Variants in PTCH1 observed in about 807,000 individuals in gnomAD.
PTCH1 encodes protein patched homolog 1.
Under a neutral mutation model 144.6 loss-of-function variants are expected in PTCH1, and 14 were observed. That is an observed-to-expected ratio of 0.10 (90% CI 0.06 to 0.15). PTCH1 has a LOEUF of 0.15. PTCH1 is among the 10% of genes least tolerant of loss of function. The pLI, the probability that PTCH1 is intolerant of heterozygous loss-of-function variation, is 1.00. For missense variants in PTCH1, 1,623 were observed against 1,948.3 expected (o/e 0.83, Z 3.14); for synonymous variants, 833 against 793.6 (o/e 1.05, Z -0.83).
chr9:95,478,302 A>T (rs903472413), intron 8 of PTCH1, 116 bp from the exon 9 acceptor site: 61 of 1,492,664 alleles, frequency 4.1e-5, no homozygotes, highest in Non-Finnish European at 5.0e-5. Context: ...TGCATTTTTT[A>T]AAAAAGTTCT....
chr9:95,482,486 C>T (rs1841627214), intron 3 of PTCH1: 1 of 475,590 alleles, frequency 2.1e-6, no homozygotes, highest in East Asian at 4.0e-5. Flanking sequence ...CTTGTTTACA[C>T]CATTAATCTG....
chr9:95,507,683 C>T (rs1355919280), intron 1 of PTCH1: 1 of 183,026 alleles, frequency 5.5e-6, no homozygotes, highest in Non-Finnish European at 1.0e-5. Context: ...TCCCTCCCCC[C>T]TTCCTCTCTC....
chr9:95,482,010 T>A lies in PTCH1; in HGVS notation c.685A>T (p.Ile229Phe). 6.2e-7 allele frequency: 1 copy of A among 1,613,956 alleles called. No individual in the cohort carries two copies. Among genetic ancestry groups the A allele is most frequent in the Non-Finnish European group, 8.5e-7 (1 of 1,179,860 alleles). The change falls in exon 5 of 24, where the codon ATT (isoleucine) becomes TTT (phenylalanine). Residue 229 changes from isoleucine (I) to phenylalanine (F), a missense_variant. Coordinates refer to ENST00000331920, the MANE Select transcript of PTCH1 (RefSeq NM_000264.5). The stretch of plus-strand genomic sequence containing the variant: ...TCCCAGAAGCAGTCCAAAGGTGTAA[T>A]AATCAAACAAGGGTAAAGATATTCT... ...IIEYLYPCLI[I>F]TPLDCFWEGA...
chr9:95,480,221 G>C (rs1841421582), intron 6 of PTCH1, 131 bp from the exon 7 acceptor site: 12 of 1,536,962 alleles, frequency 7.8e-6, no homozygotes, highest in Non-Finnish European at 1.1e-5. Flanking sequence ...GGAGGTGTAT[G>C]GCAAATCTTA....
chr9:95,462,970 G>A (rs915622822), intron 15 of PTCH1, among the ~76,000 whole-genome samples: 5 of 152,062 alleles, frequency 3.3e-5, no homozygotes, highest in East Asian at 1.9e-4. Flanking sequence ...TGGCTGGTGC[G>A]CACGCTCTCC....
chr9:95,505,169 CACAA>C (rs535806234), intron 2 of PTCH1, among the ~76,000 whole-genome samples: 89 of 152,216 alleles, frequency 5.8e-4, no homozygotes, highest in Admixed American at 2.4e-3. Flanking sequence ...GCTGAATCTT[CACAA>C]ACAAGGAGAG....
chr9:95,508,348 C>A lies in PTCH1; in HGVS notation c.14G>T (p.Gly5Val). MASA[G>V]NAAEPQDRGG... is the part of the protein sequence containing the mutation. ...GCGGTCCTGGGGCTCGGCGGCGTTA[C>A]CAGCCGAGGCCATGTTGCCGCCGCC... The change falls in exon 1 of 24, where the codon GGT becomes GTT. Residue 5 changes from glycine (G) to valine (V), a missense_variant. Physicochemically the swap from Gly to Val is moderately radical, Grantham distance 109. Around this residue, in one of 7 missense-constraint regions of PTCH1, gnomAD observed 245 missense variants for 240.6 expected, o/e 1.02. Transcript: ENST00000331920. 1.7e-6 allele frequency: 2 copies of A among 1,211,764 alleles called. No homozygotes were observed. Among genetic ancestry groups the A allele is most frequent in the Non-Finnish European group, 2.1e-6 (2 of 975,308 alleles). The allele number at this position is 1,211,764 out of a possible 1,614,324, so 75.1% of individuals were successfully genotyped here. A position where few individuals can be genotyped will look rare whatever the true frequency, so the allele number is the denominator to read the frequency against.
chr9:95,457,055 A>C (rs182852498), intron 18 of PTCH1, among the ~76,000 whole-genome samples: 1 of 152,318 alleles, frequency 6.6e-6, no homozygotes, highest in Admixed American at 6.5e-5. Context: ...GGGTGGACTG[A>C]GCCAACTGTT....
chr9:95,506,185 A>C, intron 2 of PTCH1: 13 of 371,908 alleles, frequency 3.5e-5, no homozygotes, highest in East Asian at 6.2e-5. Context: ...GCTCTCTCCC[A>C]CCACACCTCG....
chr9:95,503,550 A>G (rs947569170), intron 2 of PTCH1, among the ~76,000 whole-genome samples: 2 of 152,108 alleles, frequency 1.3e-5, no homozygotes, highest in Non-Finnish European at 2.9e-5. Flanking sequence ...AATCTAGCAC[A>G]GAATGAATGA....
chr9:95,507,913 C>G, intron 1 of PTCH1: 1 of 1,377,502 alleles, frequency 7.3e-7, no homozygotes, highest in South Asian at 1.4e-5. Flanking sequence ...TATACACACA[C>G]ACACACGCAC....
At position 95,449,548 on chromosome 9, in the gene PTCH1, A is replaced by G; in HGVS notation, c.3550-225T>C. 1 of 662,746 alleles carries G rather than the reference A, an allele frequency of 1.5e-6. No homozygotes were observed. Among genetic ancestry groups the G allele is most frequent in the Non-Finnish European group, 2.6e-6 (1 of 389,392 alleles). The allele number at this position is 662,746 out of a possible 1,614,324, so 41.1% of individuals were successfully genotyped here. ...TCCACACTGGAAAGGCAGGATGTGTACTTTTTACTCTTGTGAAGTCCAATT... is the reference window on the plus strand; with the variant it reads ...TCCACACTGGAAAGGCAGGATGTGTGCTTTTTACTCTTGTGAAGTCCAATT... On this transcript the variant is annotated intron_variant, in intron 21 of 23. Transcript: ENST00000331920. The surrounding 1 kb of genome is among the most constrained non-coding windows in gnomAD (Gnocchi z 5.3).
rs1239974947 is a variant in PTCH1 at position 95,477,580 on chromosome 9, C to G, written c.1470G>C (p.Leu490Phe). The part of the protein sequence containing the change: ...SVAAGLGLCS[L>F]IGISFNAATT... ...TTGCAGCGTTAAAGGAAATTCCGAT[C>G]AATGAGCACAGGCCCAGTCCTGCAG... Residue 490 changes from leucine (L) to phenylalanine (F), a missense_variant, in exon 10 of 24, where the codon TTG becomes TTC. By Grantham distance (22) the Leu-to-Phe change is conservative. Coordinates refer to ENST00000331920, the MANE Select transcript of PTCH1 (RefSeq NM_000264.5). 1 of 1,614,170 alleles carries G rather than the reference C, an allele frequency of 6.2e-7. No homozygotes were observed. The highest frequency in any genetic ancestry group is 1.7e-5 in the Admixed American group (1 of 60,024).
chr9:95,482,863 G>A (rs927127431), intron 3 of PTCH1: 2 of 153,552 alleles, frequency 1.3e-5, no homozygotes, highest in African/African-American at 4.8e-5. Flanking sequence ...CGTGAAGCCA[G>A]GAGTTTGAAA....
intron 2 of PTCH1, among the ~76,000 whole-genome samples, chr9:95,488,087 C>T (rs1842105946): frequency 6.6e-6 from 1 of 152,208 alleles, no homozygotes; most frequent in Admixed American, 6.5e-5. Flanking sequence ...TTTTACCAGA[C>T]TCTTCCAGAC....
intron 14 of PTCH1, among the ~76,000 whole-genome samples, chr9:95,468,500 A>G (rs1440246419): frequency 1.3e-5 from 2 of 152,336 alleles, no homozygotes; most frequent in East Asian, 1.9e-4. Context: ...AAGTGGCAAT[A>G]ATCACATTTT....
Position 95,446,682 on chromosome 9 carries a change from C to T in PTCH1, c.*1+229G>A, listed in dbSNP as rs111532669. The T allele has an allele frequency of 0.02, 12,306 of 623,676 alleles. 173 individuals are homozygous for T. Among genetic ancestry groups the T allele is most frequent in the Non-Finnish European group, 0.026 (8,996 of 352,012 alleles). 38.6% of individuals were successfully genotyped at this position (623,676 alleles called of 1,614,324 possible). ...TCCTTGTGGCGCTGCACCGACCCTC[C>T]GCAGGTTAGCAGTGGGGGAAGAGAG... is the stretch of plus-strand genomic sequence containing the variant. On this transcript the variant is annotated intron_variant, in intron 23 of 23. Coordinates refer to ENST00000331920, the MANE Select transcript of PTCH1 (RefSeq NM_000264.5).
In PTCH1 at chr9:95,444,509, G is replaced by GCACA. The variant is rs59205702; in HGVS notation, c.*1880_*1883dup. 95 of 149,164 alleles carry GCACA rather than the reference G, an allele frequency of 6.4e-4. No homozygotes were observed. The highest frequency in any genetic ancestry group is 3.4e-3 in the Middle Eastern group (1 of 298). 9.2% of individuals were successfully genotyped at this position (149,164 alleles called of 1,614,324 possible). ...CAGAGACACACACACACGCACGCAC[G>GCACA]CACACACACACACACACACCCAGCA... On this transcript the variant is annotated 3_prime_UTR_variant, in exon 24 of 24. Coordinates refer to ENST00000331920, the MANE Select transcript of PTCH1 (RefSeq NM_000264.5).
intron 2 of PTCH1, among the ~76,000 whole-genome samples, chr9:95,500,467 T>C (rs1401088068): frequency 6.6e-6 from 1 of 152,224 alleles, no homozygotes; most frequent in East Asian, 1.9e-4. Context: ...ATATTCTCCC[T>C]TCTAAACCAT....
Sources: gnomAD v4.1 joint callset for allele counts (sites outside exome capture counted in the v4.1 genomes callset) on GRCh38, gnomAD v4.1.1 for gene constraint, gnomAD v4.1.1 regional missense constraint, Gnocchi (gnomAD v3.1) non-coding constraint, MANE v1.5 for transcripts, NCBI Gene and HGNC (gene_info 2026-07-23, HGNC 2026-07-21) for gene names.